The following DLG2 variants were observed in gnomAD, a reference collection of about 807,000 sequenced individuals.
The protein encoded by DLG2 is discs large MAGUK scaffold protein 2.
Under a neutral mutation model 132.5 loss-of-function variants are expected in DLG2, and 45 were observed. The ratio of observed to expected loss-of-function variants is 0.34; its 90% CI spans 0.27 to 0.44. The LOEUF (loss-of-function observed/expected upper bound fraction) is 0.44, where lower values mean the gene tolerates loss of function less well. Among genes scored for constraint, DLG2 ranks in the 20% least tolerant of loss-of-function variants. The pLI is 1.00. For missense variants in DLG2, 1,045 were observed against 1,196.9 expected, an observed-to-expected ratio of 0.87 and a Z score of 1.87; for synonymous variants, 424 against 419.6, an observed-to-expected ratio of 1.01 and a Z score of -0.13.
intron 5 of DLG2, among the ~76,000 whole-genome samples, chr11:85,145,382 T>A (rs2076772831): frequency 6.6e-6 from 1 of 152,180 alleles, no homozygotes; most frequent in Admixed American, 6.5e-5. Context: ...TTTGGAAATG[T>A]CTCTGTTATT....
intron 18 of DLG2, among the ~76,000 whole-genome samples, chr11:83,691,415 C>T (rs970065230): frequency 6.6e-6 from 1 of 152,188 alleles, no homozygotes; most frequent in African/African-American, 2.4e-5. Context: ...GTACAATTCA[C>T]TCATTCACAA....
chr11:85,411,366 A>G (rs1474615865), intron 3 of DLG2, among the ~76,000 whole-genome samples: 4 of 151,916 alleles, frequency 2.6e-5, no homozygotes, highest in Non-Finnish European at 5.9e-5. Flanking sequence ...AAAGTAGTCT[A>G]TGAGTCTCTT....
chr11:85,164,964 A>G (rs1350970883), intron 4 of DLG2, among the ~76,000 whole-genome samples: 2 of 152,092 alleles, frequency 1.3e-5, no homozygotes, highest in Non-Finnish European at 2.9e-5. Flanking sequence ...AGCAAGATCA[A>G]CTCTTCAACC....
intron 18 of DLG2, among the ~76,000 whole-genome samples, chr11:83,664,394 G>C (rs571582086): frequency 6.6e-6 from 1 of 152,050 alleles, no homozygotes; most frequent in African/African-American, 2.4e-5. Context: ...ATGGCTGGTA[G>C]AGAGTGGGTA....
intron 4 of DLG2, among the ~76,000 whole-genome samples, chr11:85,171,498 T>C (rs1206735175): frequency 6.6e-6 from 1 of 152,192 alleles, no homozygotes; most frequent in Non-Finnish European, 1.5e-5. Flanking sequence ...CACTGGGGCA[T>C]GCACAGAGGC....
intron 21 of DLG2, among the ~76,000 whole-genome samples, chr11:83,505,504 G>A (rs1169296651): frequency 6.6e-6 from 1 of 152,316 alleles, no homozygotes; most frequent in Non-Finnish European, 1.5e-5. Context: ...CTCTGCTGAG[G>A]TCACCCATTG....
chr11:85,409,689 G>T (rs190985352), intron 3 of DLG2, among the ~76,000 whole-genome samples: 8 of 151,724 alleles, frequency 5.3e-5, no homozygotes, highest in African/African-American at 1.9e-4. Context: ...TATATATCTG[G>T]GGGGGTGGAG....
chr11:85,126,767 A>G (rs2075163757), intron 5 of DLG2, among the ~76,000 whole-genome samples: 1 of 152,176 alleles, frequency 6.6e-6, no homozygotes. Flanking sequence ...GAAGCTATAG[A>G]CCCTAACAAA....
intron 7 of DLG2, among the ~76,000 whole-genome samples, chr11:84,474,465 T>C (rs1399856920): frequency 6.6e-6 from 1 of 152,064 alleles, no homozygotes; most frequent in Non-Finnish European, 1.5e-5. Context: ...TAAGGAGAAT[T>C]AAGAGGCCCC....
intron 6 of DLG2, chr11:84,762,292 T>C (rs2067738385): frequency 6.6e-6 from 1 of 152,210 alleles, no homozygotes; most frequent in African/African-American, 2.4e-5. Flanking sequence ...AGTCTTCATA[T>C]ATTTCCTTTT....
intron 6 of DLG2, among the ~76,000 whole-genome samples, chr11:85,107,278 G>T (rs1269339953): frequency 6.6e-6 from 1 of 151,920 alleles, no homozygotes; most frequent in African/African-American, 2.4e-5. Context: ...CAAAACAAAA[G>T]AATTTTTGTA....
chr11:83,826,629 A>G (rs539883088), intron 17 of DLG2, among the ~76,000 whole-genome samples: 4 of 152,164 alleles, frequency 2.6e-5, no homozygotes, highest in Non-Finnish European at 4.4e-5. Context: ...TTAAGGCAAT[A>G]AGCTTTTACC....
chr11:84,467,227 G>A (rs1168568475), intron 7 of DLG2, among the ~76,000 whole-genome samples: 2 of 151,304 alleles, frequency 1.3e-5, no homozygotes, highest in Non-Finnish European at 3.0e-5. Context: ...AACAATTTGA[G>A]TATCAAAAAG....
chr11:84,596,008 G>A (rs978465373), intron 6 of DLG2, among the ~76,000 whole-genome samples: 6 of 152,104 alleles, frequency 3.9e-5, no homozygotes, highest in African/African-American at 1.2e-4. Context: ...AAAAATAGGA[G>A]CCACTCTGAA....
At chr11:84,194,741 A>G (rs1224087176) in intron 8 of DLG2, among the ~76,000 whole-genome samples, 1 of 152,148 alleles carries the variant, frequency 6.6e-6, no homozygotes, top group Non-Finnish European at 1.5e-5. Context: ...TGCCTAGTGT[A>G]TCTGGTGCCT....
At chr11:83,631,718 T>G (rs1343581271) in intron 19 of DLG2, 1 of 152,198 alleles carries the variant, frequency 6.6e-6, no homozygotes, top group Non-Finnish European at 1.5e-5. Context: ...GCATTCTATC[T>G]CTTAATAAGA....
chr11:84,438,989 C>G (rs1369937416), intron 7 of DLG2, among the ~76,000 whole-genome samples: 1 of 152,146 alleles, frequency 6.6e-6, no homozygotes, highest in Non-Finnish European at 1.5e-5. Flanking sequence ...ACAACAACAA[C>G]AACAAAAGTA....
chr11:84,363,650 C>T (rs1183626658), intron 7 of DLG2, among the ~76,000 whole-genome samples: 3 of 151,646 alleles, frequency 2.0e-5, no homozygotes, highest in Non-Finnish European at 4.4e-5. Flanking sequence ...TTAGGTCTAA[C>T]GTTTAAGTCT....
intron 4 of DLG2, among the ~76,000 whole-genome samples, chr11:85,234,002 A>C (rs887386600): frequency 2.0e-5 from 3 of 151,904 alleles, no homozygotes; most frequent in African/African-American, 7.2e-5. Flanking sequence ...CAAAGTTTTC[A>C]TTCTTTAACA....
Sources: allele counts gnomAD v4.1 joint callset (sites outside exome capture counted in the v4.1 genomes callset), GRCh38; gene constraint gnomAD v4.1.1; transcripts MANE v1.5; gene names NCBI Gene and HGNC (gene_info 2026-07-23, HGNC 2026-07-21).